Variants in LACTB2 observed in about 807,000 individuals in gnomAD.
LACTB2 encodes the protein lactamase beta 2.
LACTB2 carries 32 observed loss-of-function variants against 34.8 expected under a neutral mutation model. That is an observed-to-expected ratio of 0.92 (90% CI 0.69 to 1.24). The LOEUF (loss-of-function observed/expected upper bound fraction) is 1.24. Ranked by LOEUF, LACTB2 falls within the 50% of genes most tolerant of loss-of-function variation. The probability of loss-of-function intolerance (pLI) is 0.00; values close to 1 mark genes in which losing one functional copy is unlikely to be tolerated. For missense variants in LACTB2, 320 were observed against 345.0 expected (o/e 0.93, Z 0.57); for synonymous variants, 120 against 117.5 (o/e 1.02, Z -0.14).
At chr8:70,642,452 C>G (rs1818210366) in intron 4 of LACTB2, among the ~76,000 whole-genome samples, 1 of 151,368 alleles carries the variant, frequency 6.6e-6, no homozygotes. Flanking sequence ...GTTAAGTGAC[C>G]TAGTCCCTTT....
Position 70,657,899 on chromosome 8 carries a change from T to C in LACTB2, c.287-17A>G, listed in dbSNP as rs369501988. 5 of 1,524,512 alleles carry C rather than the reference T, an allele frequency of 3.3e-6. No individual in the cohort carries two copies. The highest frequency in any genetic ancestry group is 2.3e-5 in the East Asian group (1 of 43,760). 94.4% of individuals were successfully genotyped at this position (1,524,512 alleles called of 1,614,324 possible). On this transcript the variant is annotated splice_polypyrimidine_tract_variant and intron_variant, in intron 2 of 6. Coordinates refer to ENST00000276590, the MANE Select transcript of LACTB2 (RefSeq NM_016027.3). Reference sequence around the variant, plus strand: ...AGGTAGTGTCTAGTCATAAAACATATAAAATATATTAATTCACACTTTATA... The same window carrying C: ...AGGTAGTGTCTAGTCATAAAACATACAAAATATATTAATTCACACTTTATA...
At position 70,650,854 on chromosome 8, in the gene LACTB2, A is replaced by G. The variant is rs572288343; in HGVS notation, c.414-6611T>C. ...TACTATTCTAAAAATAATAACCAAA[A>G]TATTAACAAAGAGAATCCAAAAGCA... On this transcript the variant is annotated intron_variant, in intron 3 of 6. Coordinates refer to ENST00000276590, the MANE Select transcript of LACTB2 (RefSeq NM_016027.3). 2.0e-5 allele frequency among the ~76,000 whole-genome samples: 3 copies of G among 151,980 alleles called. No homozygotes were observed. In the East Asian group the frequency reaches 5.8e-4, roughly 29 times the overall value.
At chr8:70,666,680 C>T (rs1818535809) in intron 1 of LACTB2, among the ~76,000 whole-genome samples, 2 of 152,182 alleles carry the variant, frequency 1.3e-5, no homozygotes, top group African/African-American at 4.8e-5. Context: ...ATTACAGTAG[C>T]CTAAGCAAGA....
chr8:70,658,065 C>T (rs563538303), intron 2 of LACTB2, among the ~76,000 whole-genome samples, 183 bp from the exon 3 acceptor site: 9 of 152,272 alleles, frequency 5.9e-5, no homozygotes, highest in Non-Finnish European at 1.0e-4. Flanking sequence ...TATCTTTCAA[C>T]CAAACAGCTC....
rs900391889 is a variant in LACTB2, at chr8:70,662,097, A to G, written c.123-200T>C. The G allele has an allele frequency of 3.8e-5, 18 of 468,032 alleles. No individual in the cohort carries two copies. In the East Asian group the frequency reaches 4.8e-4, roughly 13 times the overall value. The allele number at this position is 468,032 out of a possible 1,614,324, so 29.0% of individuals were successfully genotyped here. A position where few individuals can be genotyped will look rare whatever the true frequency, so the allele number is the denominator to read the frequency against. Reference sequence around the variant, plus strand: ...TTTCTGAGAAAAATTAGAGCTAAATATAAGTCTGAACAAGGAATAATAGCA... The same window carrying G: ...TTTCTGAGAAAAATTAGAGCTAAATGTAAGTCTGAACAAGGAATAATAGCA... On this transcript the variant is annotated intron_variant, in intron 1 of 6. Transcript: ENST00000276590.
intron 5 of LACTB2, among the ~76,000 whole-genome samples, chr8:70,640,091 G>C (rs1264537434): frequency 1.3e-5 from 2 of 152,188 alleles, no homozygotes; most frequent in Admixed American, 1.3e-4. Context: ...CACCCGAGCA[G>C]CTGGGATCAC....
chr8:70,668,958 G>A, intron 1 of LACTB2, 41 bp downstream of exon 1: 2 of 1,554,724 alleles, frequency 1.3e-6, no homozygotes, highest in African/African-American at 2.7e-5. Context: ...GGGCTCCGGG[G>A]CCGGCTGCGA....
chr8:70,645,516 T>G (rs1027646560), intron 3 of LACTB2, among the ~76,000 whole-genome samples: 3 of 152,110 alleles, frequency 2.0e-5, no homozygotes, highest in Non-Finnish European at 4.4e-5. Flanking sequence ...AAATTATACT[T>G]TAAGTTTTAG....
At chr8:70,646,639 T>C (rs903650864) in intron 3 of LACTB2, 1 of 152,162 alleles carries the variant, frequency 6.6e-6, no homozygotes, top group Non-Finnish European at 1.5e-5. Context: ...AAACTGATTA[T>C]AATACTTTTA....
Position 70,668,996 on chromosome 8 carries a change from T to A in LACTB2, c.122+3A>T. 6.3e-7 allele frequency: 1 copy of A among 1,582,202 alleles called. No homozygotes were observed. ...GTTGGGGAGGTTGGAGAGGGACGTT[T>A]ACCTGGGGCCGGTCCCCACTAGGTA... On this transcript the variant is annotated splice_donor_region_variant and intron_variant, in intron 1 of 6. Transcript: ENST00000276590.
chr8:70,640,845 A>C, intron 5 of LACTB2, 57 bp downstream of exon 5: 1 of 1,463,688 alleles, frequency 6.8e-7, no homozygotes, highest in Non-Finnish European at 9.1e-7. Flanking sequence ...ATAGTCTACT[A>C]AATAGATAAT....
At chr8:70,639,220 C>T (rs1184974994) in intron 5 of LACTB2, among the ~76,000 whole-genome samples, 4 of 150,496 alleles carry the variant, frequency 2.7e-5, no homozygotes, top group Non-Finnish European at 4.4e-5. Flanking sequence ...AGTGCAATGG[C>T]GCGATCTCGG....
In LACTB2 at chr8:70,654,491, A is replaced by C. The variant is rs186463178; in HGVS notation, c.413+3265T>G. ...AGAGCTGGAGACAGTAAGATAAAGG[A>C]GGAAGTACTGGTAGTGGATGTGAAG... On this transcript the variant is annotated intron_variant, in intron 3 of 6. Coordinates refer to ENST00000276590, the MANE Select transcript of LACTB2 (RefSeq NM_016027.3). 3 of 152,286 alleles carry C rather than the reference A, an allele frequency of 2.0e-5. No individual in the cohort carries two copies. The East Asian group carries it at 5.8e-4, about 29-fold the overall frequency. The allele number at this position is 152,286 out of a possible 1,614,324, so 9.4% of individuals were successfully genotyped here. A position where few individuals can be genotyped will look rare whatever the true frequency, so the allele number is the denominator to read the frequency against.
intron 3 of LACTB2, among the ~76,000 whole-genome samples, chr8:70,647,959 G>T (rs1818284308): frequency 6.9e-6 from 1 of 144,376 alleles, no homozygotes; most frequent in South Asian, 2.2e-4. Context: ...CTAAAAAAAA[G>T]TAAGATTACA....
At chr8:70,653,216 T>TC (rs1206628559) in intron 3 of LACTB2, among the ~76,000 whole-genome samples, 1 of 152,110 alleles carries the variant, frequency 6.6e-6, no homozygotes, top group Non-Finnish European at 1.5e-5. Context: ...GCTCAAACAA[T>TC]CCTCTCACCT....
rs765849077 is a variant in LACTB2, at chr8:70,638,622, G to T, written c.749C>A (p.Pro250His). The T allele has an allele frequency of 1.5e-5, 21 of 1,432,852 alleles. No homozygotes were observed. In the East Asian group the frequency reaches 5.0e-4, roughly 34 times the overall value. 88.8% of individuals were successfully genotyped at this position (1,432,852 alleles called of 1,614,324 possible). ...ELVKIIYKNT[P>H]ENLHEMAKHN... is the part of the protein sequence containing the mutation. ...TTTAGCCATTTCATGTAAATTCTCA[G>T]GAGTATTCTAAAAGAAAAATGAAGG... Residue 250 changes from proline (P) to histidine (H), a missense_variant, in exon 6 of 7, where the codon CCT (proline) becomes CAT (histidine). Coordinates refer to ENST00000276590, the MANE Select transcript of LACTB2 (RefSeq NM_016027.3).
At chr8:70,668,169 A>C (rs1818561759) in intron 1 of LACTB2, among the ~76,000 whole-genome samples, 1 of 152,202 alleles carries the variant, frequency 6.6e-6, no homozygotes, top group African/African-American at 2.4e-5. Flanking sequence ...GTACTTACTA[A>C]ATCGTTTTTA....
chr8:70,655,059 A>T (rs1042424861), intron 3 of LACTB2, among the ~76,000 whole-genome samples: 1 of 151,768 alleles, frequency 6.6e-6, no homozygotes, highest in African/African-American at 2.4e-5. Context: ...CAAGTCCCCA[A>T]AGTCCATTGT....
At chr8:70,652,641 A>T (rs1376079642) in intron 3 of LACTB2, 1 of 152,196 alleles carries the variant, frequency 6.6e-6, no homozygotes, top group Non-Finnish European at 1.5e-5. Flanking sequence ...ACTGAAGGGG[A>T]AGCAAGCACA....
Sources: allele counts gnomAD v4.1 joint callset (sites outside exome capture counted in the v4.1 genomes callset), GRCh38; gene constraint gnomAD v4.1.1; transcripts MANE v1.5; gene names NCBI Gene and HGNC (gene_info 2026-07-23, HGNC 2026-07-21).